Variants in TF observed in about 807,000 individuals in gnomAD.
TF encodes transferrin, also known as serotransferrin.
In TF, 55 loss-of-function variants were observed where a neutral mutation model predicts 82.4. The ratio of observed to expected loss-of-function variants is 0.67; its 90% CI spans 0.54 to 0.84. The LOEUF is 0.84. TF is among the 40% of genes least tolerant of loss of function. TF has a pLI of 0.00. For synonymous variants in TF, 332 were observed against 332.6 expected, an observed-to-expected ratio of 1.00 and a Z score of 0.02; for missense variants, 737 against 868.4, an observed-to-expected ratio of 0.85 and a Z score of 1.90.
the TF span, among the ~76,000 whole-genome samples, chr3:133,732,155 G>A: frequency 6.6e-6 from 1 of 152,124 alleles, no homozygotes; most frequent in Non-Finnish European, 1.5e-5. Context: ...TAAGGTGCTG[G>A]ATACTGTACT....
chr3:133,697,920 GT>G, the TF span, among the ~76,000 whole-genome samples: 1 of 152,214 alleles, frequency 6.6e-6, no homozygotes, highest in Admixed American at 6.5e-5. Flanking sequence ...GTAATCAAGA[GT>G]TAAGGCATAA....
At position 133,770,767 on chromosome 3, in the gene TF, A is replaced by T. The variant is rs1057403705; in HGVS notation, c.1687+195A>T. On this transcript the variant is annotated intron_variant, in intron 14 of 16. Coordinates refer to ENST00000402696, the MANE Select transcript of TF (RefSeq NM_001063.4). ...GAATGATCAGGATTATGGGGCCCCC[A>T]ATGGCCCTAAATCCTCCCCAACACA... 11 of 654,024 alleles carry T rather than the reference A, an allele frequency of 1.7e-5. No individual in the cohort carries two copies. In the Admixed American group the frequency reaches 1.9e-4, roughly 11 times the overall value. 40.5% of individuals were successfully genotyped at this position (654,024 alleles called of 1,614,324 possible).
rs933811583 is a variant in TF at position 133,788,433 on chromosome 3, T to C, written c.*9813T>C. On this transcript the variant is annotated 3_prime_UTR_variant, in exon 17 of 17. Coordinates refer to ENST00000402696, the MANE Select transcript of TF (RefSeq NM_001063.4). The stretch of plus-strand genomic sequence containing the variant: ...CCTAAGCACAGGCCTTCTCCCACCC[T>C]GTGGAGCGTACTTTCATTTCATAAA... The C allele has an allele frequency of 2.0e-5, 3 of 152,242 alleles. No homozygotes were observed. Among genetic ancestry groups the C allele is most frequent in the African/African-American group, 7.2e-5 (3 of 41,464 alleles). 9.4% of individuals were successfully genotyped at this position (152,242 alleles called of 1,614,324 possible).
At chr3:133,683,391 TAA>T in the TF span, among the ~76,000 whole-genome samples, 3 of 152,108 alleles carry the variant, frequency 2.0e-5, no homozygotes, top group African/African-American at 7.2e-5. Context: ...ATGCTCCAAT[TAA>T]AAGACACAGA....
At chr3:133,702,679 T>C in the TF span, among the ~76,000 whole-genome samples, 2 of 151,996 alleles carry the variant, frequency 1.3e-5, no homozygotes, top group Non-Finnish European at 1.5e-5. Context: ...GCGATGAAAT[T>C]GTGTTGTTAT....
chr3:133,780,956 T>A lies in TF; in HGVS notation c.*2336T>A, dbSNP rs950926553. 1 of 152,094 alleles carries A rather than the reference T, an allele frequency of 6.6e-6. No individual in the cohort carries two copies. Among genetic ancestry groups the A allele is most frequent in the African/African-American group, 2.4e-5 (1 of 41,394 alleles). 9.4% of individuals were successfully genotyped at this position (152,094 alleles called of 1,614,324 possible). A position where few individuals can be genotyped will look rare whatever the true frequency, so the allele number is the denominator to read the frequency against. Reference sequence around the variant, plus strand: ...TGATCCTGGGAGGCAGAGGTTGCAGTGAGCCAAGGTCGCACCAGAGCACTC... The same window carrying A: ...TGATCCTGGGAGGCAGAGGTTGCAGAGAGCCAAGGTCGCACCAGAGCACTC... On this transcript the variant is annotated 3_prime_UTR_variant, in exon 17 of 17. Coordinates refer to ENST00000402696, the MANE Select transcript of TF (RefSeq NM_001063.4).
the TF span, among the ~76,000 whole-genome samples, chr3:133,739,397 AGGCATG>A: frequency 6.6e-6 from 1 of 152,238 alleles, no homozygotes; most frequent in Non-Finnish European, 1.5e-5. Flanking sequence ...TTCAGGACAT[AGGCATG>A]GGCAAAGACT....
intron 13 of TF, 111 bp from the exon 14 acceptor site, chr3:133,770,397 A>T: frequency 1.1e-6 from 1 of 911,066 alleles, no homozygotes; most frequent in Non-Finnish European, 1.9e-6. Context: ...AATGGAAGTT[A>T]CAGTTGCTGT....
At chr3:133,743,508 G>A (rs553473209), upstream of TF, among the ~76,000 whole-genome samples, 6 of 152,214 alleles carry the variant, frequency 3.9e-5, no homozygotes, top group African/African-American at 1.4e-4. Context: ...TGTCCCTGGT[G>A]GATGTGTACA....
At chr3:133,682,821 G>A in the TF span, among the ~76,000 whole-genome samples, 6 of 152,278 alleles carry the variant, frequency 3.9e-5, no homozygotes, top group East Asian at 1.2e-3. Flanking sequence ...AACCTAGCAA[G>A]GCAGGCCAAC....
At chr3:133,713,896 T>C in the TF span, among the ~76,000 whole-genome samples, 1 of 152,178 alleles carries the variant, frequency 6.6e-6, no homozygotes, top group African/African-American at 2.4e-5. Flanking sequence ...ACATAATACC[T>C]GTCCCTCCCC....
intron 14 of TF, 102 bp from the exon 15 acceptor site, chr3:133,775,331 G>C: frequency 8.0e-7 from 1 of 1,242,500 alleles, no homozygotes; most frequent in African/African-American, 1.5e-5. Flanking sequence ...TTCTGCTGGC[G>C]AGAAGGCCCA....
the TF span, among the ~76,000 whole-genome samples, chr3:133,732,749 T>C: frequency 1.5e-3 from 232 of 152,302 alleles, 2 homozygotes; most frequent in African/African-American, 5.4e-3. Flanking sequence ...CTTTAAGAAC[T>C]GTAACACTCG....
chr3:133,782,792 C>CAAAA lies in TF; in HGVS notation c.*4186_*4189dup, dbSNP rs55774134. ...GCAACATGACAAAACCCCATCTCTGCAAAAAAAAAAAAAAAAACAAAAAAA... is the reference window on the plus strand; with the variant it reads ...GCAACATGACAAAACCCCATCTCTGCAAAAAAAAAAAAAAAAAAAAACAAAAAAA... On this transcript the variant is annotated 3_prime_UTR_variant, in exon 17 of 17. Transcript: ENST00000402696. 9.7e-6 allele frequency: 1 copy of CAAAA among 103,022 alleles called. No individual in the cohort carries two copies. The highest frequency in any genetic ancestry group is 3.8e-5 in the African/African-American group (1 of 26,044). The allele number at this position is 103,022 out of a possible 1,614,324, so 6.4% of individuals were successfully genotyped here. A position where few individuals can be genotyped will look rare whatever the true frequency, so the allele number is the denominator to read the frequency against.
chr3:133,794,330 A>G lies in TF; in HGVS notation c.*15710A>G, dbSNP rs1934914745. On this transcript the variant is annotated 3_prime_UTR_variant, in exon 17 of 17. Transcript: ENST00000402696. ...ATGTTTGGTCCCATATTCCTGGGAA[A>G]ACAATCAAAGCTTCAGGTACATCCA... 1 of 152,240 alleles carries G rather than the reference A, an allele frequency of 6.6e-6. No homozygotes were observed. Among genetic ancestry groups the G allele is most frequent in the Non-Finnish European group, 1.5e-5 (1 of 68,032 alleles). 9.4% of individuals were successfully genotyped at this position (152,240 alleles called of 1,614,324 possible). A position where few individuals can be genotyped will look rare whatever the true frequency, so the allele number is the denominator to read the frequency against.
rs756870995 is a variant in TF, at chr3:133,766,348, G to C, written c.1401G>C (p.Lys467Asn). Residue 467 changes from lysine (K) to asparagine (N), a missense_variant, in exon 12 of 17, where the codon AAG (lysine) becomes AAC (asparagine). Transcript: ENST00000402696. ...DLTWDNLKGK[K>N]SCHTAVGRTA... ...CCTGGGACAATCTGAAAGGCAAGAA[G>C]TCCTGCCATACGGCAGTTGGCAGAA... 1.9e-6 allele frequency: 3 copies of C among 1,614,228 alleles called. No homozygotes were observed. The South Asian group carries it at 3.3e-5, about 18-fold the overall frequency.
intron 6 of TF, 149 bp downstream of exon 6, chr3:133,756,486 A>G (rs1013070422): frequency 1.1e-6 from 1 of 924,984 alleles, no homozygotes; most frequent in Admixed American, 2.0e-5. Context: ...AGAGTTAGGT[A>G]CCTACGGGGT....
At chr3:133,731,242 C>T in the TF span, among the ~76,000 whole-genome samples, 1 of 152,112 alleles carries the variant, frequency 6.6e-6, no homozygotes, top group Non-Finnish European at 1.5e-5. Context: ...TGATTCAGCT[C>T]ATGGGCCTAT....
At chr3:133,716,291 A>T in the TF span, among the ~76,000 whole-genome samples, 1 of 152,074 alleles carries the variant, frequency 6.6e-6, no homozygotes, top group Admixed American at 6.6e-5. Flanking sequence ...GGCTATCTCC[A>T]CTTGGATTTC....
Sources: gnomAD v4.1 joint callset for allele counts (sites outside exome capture counted in the v4.1 genomes callset) on GRCh38, gnomAD v4.1.1 for gene constraint, MANE v1.5 for transcripts, NCBI Gene and HGNC (gene_info 2026-07-23, HGNC 2026-07-21) for gene names.